The following SPAG16 variants were observed in gnomAD, a reference collection of about 807,000 sequenced individuals.
SPAG16 encodes the protein sperm-associated antigen 16 protein.
In SPAG16, 86 loss-of-function variants were observed where a neutral mutation model predicts 80.4. The observed-to-expected ratio is 1.07, with a 90% CI of 0.90 to 1.28. The LOEUF is 1.28. SPAG16 is among the 50% of genes most tolerant of loss of function. The pLI is 0.00. For missense variants in SPAG16, 870 were observed against 765.3 expected, an observed-to-expected ratio of 1.14 and a Z score of -1.61; for synonymous variants, 294 against 265.9, an observed-to-expected ratio of 1.11 and a Z score of -1.03.
At chr2:213,505,389 ACT>A (rs1405369552) in intron 10 of SPAG16, among the ~76,000 whole-genome samples, 5 of 151,894 alleles carry the variant, frequency 3.3e-5, no homozygotes, top group Admixed American at 3.3e-4. Context: ...TGGTAGCATC[ACT>A]CTGCAAGATT....
chr2:213,870,224 T>C (rs923530680), intron 11 of SPAG16, among the ~76,000 whole-genome samples: 1 of 152,154 alleles, frequency 6.6e-6, no homozygotes, highest in Non-Finnish European at 1.5e-5. Flanking sequence ...CAGAACCACA[T>C]AGCTTTATAC....
intron 10 of SPAG16, among the ~76,000 whole-genome samples, chr2:213,717,297 T>C (rs2066282032): frequency 6.6e-6 from 1 of 152,094 alleles, no homozygotes; most frequent in Non-Finnish European, 1.5e-5. Flanking sequence ...TAGCTAGGAC[T>C]ACAGGCGCCC....
chr2:213,400,039 C>T (rs966712083), intron 9 of SPAG16, among the ~76,000 whole-genome samples: 2 of 151,922 alleles, frequency 1.3e-5, no homozygotes, highest in African/African-American at 2.4e-5. Flanking sequence ...GTTTTCCCCT[C>T]CCTTCCCATC....
At chr2:214,003,658 A>G (rs1222827308) in intron 12 of SPAG16, among the ~76,000 whole-genome samples, 1 of 152,236 alleles carries the variant, frequency 6.6e-6, no homozygotes, top group Non-Finnish European at 1.5e-5. Context: ...TTGAGGGGAA[A>G]TACAGGGGTT....
At chr2:214,164,943 T>C (rs1417728003) in intron 15 of SPAG16, among the ~76,000 whole-genome samples, 1 of 152,142 alleles carries the variant, frequency 6.6e-6, no homozygotes, top group Admixed American at 6.6e-5. Flanking sequence ...ACTACTCTTA[T>C]ATTCTTGTAT....
chr2:213,943,810 G>T (rs2079318538), intron 12 of SPAG16, among the ~76,000 whole-genome samples: 1 of 152,120 alleles, frequency 6.6e-6, no homozygotes, highest in African/African-American at 2.4e-5. Flanking sequence ...GCTACCATTT[G>T]ATAAGAAGAT....
chr2:213,504,176 T>C (rs1016377131), intron 10 of SPAG16, among the ~76,000 whole-genome samples: 2 of 152,178 alleles, frequency 1.3e-5, no homozygotes, highest in African/African-American at 4.8e-5. Context: ...GCCTGGTTTG[T>C]AGCAAGATTA....
At chr2:214,131,529 T>C (rs1473183139) in intron 14 of SPAG16, among the ~76,000 whole-genome samples, 1 of 152,056 alleles carries the variant, frequency 6.6e-6, no homozygotes, top group Non-Finnish European at 1.5e-5. Flanking sequence ...GCTTTATTCA[T>C]AACTGTGAAA....
chr2:213,821,922 G>A (rs1428815379), intron 10 of SPAG16, among the ~76,000 whole-genome samples: 1 of 152,136 alleles, frequency 6.6e-6, no homozygotes, highest in African/African-American at 2.4e-5. Flanking sequence ...TTTTTTATAT[G>A]TACCACATTA....
chr2:214,304,769 G>T (rs1221616369), intron 15 of SPAG16, among the ~76,000 whole-genome samples: 2 of 152,266 alleles, frequency 1.3e-5, no homozygotes, highest in East Asian at 3.9e-4. Context: ...TCTTTATCCA[G>T]TTTATCATTG....
Position 214,009,237 on chromosome 2 carries a change from A to C in SPAG16, c.1401-4714A>C, listed in dbSNP as rs537867060. 5.9e-5 allele frequency among the ~76,000 whole-genome samples: 9 copies of C among 151,918 alleles called. No individual in the cohort carries two copies. In the East Asian group the frequency reaches 1.2e-3, roughly 20 times the overall value. On this transcript the variant is annotated intron_variant, in intron 12 of 15. Transcript: ENST00000331683. ...AGCTCCCTTTTGTCAGCTACCCTAC[A>C]CTCCAAATTTTAAGCAACTCAGAAG...
At chr2:213,981,526 C>G (rs1322626641) in intron 12 of SPAG16, among the ~76,000 whole-genome samples, 1 of 151,854 alleles carries the variant, frequency 6.6e-6, no homozygotes, top group Non-Finnish European at 1.5e-5. Context: ...ATATGTATTT[C>G]CTGAGTTTCA....
chr2:214,169,614 A>G (rs2125629524), intron 15 of SPAG16, among the ~76,000 whole-genome samples: 1 of 152,102 alleles, frequency 6.6e-6, no homozygotes, highest in South Asian at 2.1e-4. Context: ...TTGAATAGAA[A>G]CTTCTTTTGT....
intron 15 of SPAG16, among the ~76,000 whole-genome samples, chr2:214,401,935 T>C (rs1701731588): frequency 6.6e-6 from 1 of 151,924 alleles, no homozygotes; most frequent in Non-Finnish European, 1.5e-5. Context: ...TTTAAAGTTT[T>C]GATAGATATA....
chr2:213,548,458 G>A (rs113138603), intron 10 of SPAG16, among the ~76,000 whole-genome samples: 2 of 152,100 alleles, frequency 1.3e-5, no homozygotes, highest in Non-Finnish European at 2.9e-5. Flanking sequence ...TGATCTGCCC[G>A]CCTCGGCCTT....
At chr2:213,520,027 GCA>G (rs113666242) in intron 10 of SPAG16, among the ~76,000 whole-genome samples, 3,065 of 150,792 alleles carry the variant, frequency 0.02, 43 homozygotes, top group Middle Eastern at 0.051. Flanking sequence ...GCATGTGCGT[GCA>G]CACACACACA....
At chr2:213,697,636 A>G (rs1008835233) in intron 10 of SPAG16, among the ~76,000 whole-genome samples, 1 of 152,118 alleles carries the variant, frequency 6.6e-6, no homozygotes, top group African/African-American at 2.4e-5. Flanking sequence ...TGTACTTTTG[A>G]CCTACATAAC....
intron 15 of SPAG16, among the ~76,000 whole-genome samples, chr2:214,395,427 C>T (rs1370258593): frequency 6.6e-6 from 1 of 152,120 alleles, no homozygotes; most frequent in Non-Finnish European, 1.5e-5. Context: ...TTTGCATTTC[C>T]CTGATGACAT....
At chr2:213,477,517 G>A (rs768853820) in intron 9 of SPAG16, among the ~76,000 whole-genome samples, 6 of 152,222 alleles carry the variant, frequency 3.9e-5, no homozygotes. Flanking sequence ...TGACCTGGAT[G>A]TGAGACATGG....
Sources: gnomAD v4.1 joint callset for allele counts (sites outside exome capture counted in the v4.1 genomes callset) on GRCh38, gnomAD v4.1.1 for gene constraint, MANE v1.5 for transcripts, NCBI Gene and HGNC (gene_info 2026-07-23, HGNC 2026-07-21) for gene names.